The following EFCAB6 variants were observed in gnomAD, a reference collection of about 807,000 sequenced individuals.
EFCAB6 encodes the protein EF-hand calcium-binding domain-containing protein 6.
In EFCAB6, 156 loss-of-function variants were observed where a neutral mutation model predicts 169.8. That is an observed-to-expected ratio of 0.92 (90% confidence interval 0.81 to 1.05). EFCAB6 has a LOEUF of 1.05. EFCAB6 is among the 50% of genes least tolerant of loss of function. The pLI is 0.00. For synonymous variants in EFCAB6, 698 were observed against 676.4 expected (o/e 1.03, Z -0.50); for missense variants, 1,800 against 1,829.1 (o/e 0.98, Z 0.29).
intron 10 of EFCAB6, among the ~76,000 whole-genome samples, chr22:43,689,052 A>C (rs2058305411): frequency 1.3e-5 from 2 of 152,164 alleles, no homozygotes; most frequent in Non-Finnish European, 2.9e-5. Flanking sequence ...GAGAGAGTGA[A>C]GGATGCCTAC....
At chr22:43,599,950 G>A (rs2052372936) in intron 23 of EFCAB6, 119 bp downstream of exon 23, 5 of 1,143,418 alleles carry the variant, frequency 4.4e-6, no homozygotes, top group Admixed American at 2.3e-5. Context: ...GAACAAGCAC[G>A]ATCATTTCCC....
At chr22:43,671,007 A>G (rs928801459) in intron 15 of EFCAB6, among the ~76,000 whole-genome samples, 1 of 152,230 alleles carries the variant, frequency 6.6e-6, no homozygotes, top group Non-Finnish European at 1.5e-5. Context: ...GGATGAAGAA[A>G]TAGAGGCTCA....
intron 21 of EFCAB6, 38 bp downstream of exon 21, chr22:43,615,788 G>T: frequency 6.4e-7 from 1 of 1,556,870 alleles, no homozygotes; most frequent in South Asian, 1.1e-5. Context: ...CATTGAAATA[G>T]ATTTTCTTTC....
chr22:43,689,558 C>A (rs1244227491), intron 10 of EFCAB6, among the ~76,000 whole-genome samples: 2 of 152,174 alleles, frequency 1.3e-5, no homozygotes, highest in Non-Finnish European at 2.9e-5. Context: ...CAACAGCGCT[C>A]ATGAAAGCAA....
At chr22:43,559,930 GA>G (rs900741818) in intron 26 of EFCAB6, among the ~76,000 whole-genome samples, 13 of 152,260 alleles carry the variant, frequency 8.5e-5, no homozygotes, top group African/African-American at 2.9e-4. Context: ...TTAAAACCTA[GA>G]TGGCAGGTTG....
intron 26 of EFCAB6, among the ~76,000 whole-genome samples, chr22:43,558,688 T>A (rs760198567): frequency 2.7e-4 from 41 of 152,192 alleles, no homozygotes; most frequent in Non-Finnish European, 5.4e-4. Context: ...GCAAAAAGAT[T>A]ACAAGAAGAT....
chr22:43,711,342 T>C (rs2059152226), intron 10 of EFCAB6, 133 bp downstream of exon 10: 1 of 951,906 alleles, frequency 1.1e-6, no homozygotes, highest in Non-Finnish European at 1.4e-6. Flanking sequence ...ATTATTCCCT[T>C]TACTTCTGTA....
At chr22:43,674,874 G>A (rs2057654838) in intron 13 of EFCAB6, among the ~76,000 whole-genome samples, 1 of 152,056 alleles carries the variant, frequency 6.6e-6, no homozygotes, top group East Asian at 1.9e-4. Context: ...AGGTGCACAA[G>A]CTCCTACCCT....
chr22:43,630,263 A>T (rs764991700), intron 19 of EFCAB6, among the ~76,000 whole-genome samples: 3 of 152,336 alleles, frequency 2.0e-5, no homozygotes, highest in Non-Finnish European at 4.4e-5. Context: ...ACCCGCATCC[A>T]GTCTGTCTCA....
chr22:43,748,483 C>T (rs1238647637), intron 6 of EFCAB6, among the ~76,000 whole-genome samples: 1 of 152,200 alleles, frequency 6.6e-6, no homozygotes, highest in Admixed American at 6.5e-5. Context: ...CTTCCCCTAT[C>T]CCATCCTCAA....
chr22:43,793,974 G>A (rs1013829263), intron 2 of EFCAB6, among the ~76,000 whole-genome samples: 10 of 151,956 alleles, frequency 6.6e-5, no homozygotes, highest in South Asian at 4.2e-4. Flanking sequence ...GCTTTAAAAC[G>A]GTGGTTCTCA....
chr22:43,697,736 C>T (rs1295933842), intron 10 of EFCAB6, among the ~76,000 whole-genome samples: 3 of 152,242 alleles, frequency 2.0e-5, no homozygotes, highest in African/African-American at 4.8e-5. Flanking sequence ...CTCTGGATTC[C>T]GACATGGGGA....
At chr22:43,749,542 C>T (rs1041162214) in intron 6 of EFCAB6, among the ~76,000 whole-genome samples, 3 of 152,050 alleles carry the variant, frequency 2.0e-5, no homozygotes, top group Admixed American at 6.5e-5. Context: ...GAGCGTGCAA[C>T]GTAGATCCTC....
intron 21 of EFCAB6, among the ~76,000 whole-genome samples, chr22:43,609,464 G>A (rs2053155371): frequency 6.6e-6 from 1 of 152,168 alleles, no homozygotes; most frequent in African/African-American, 2.4e-5. Context: ...AATTTAGCAA[G>A]CAGTCTGGAT....
chr22:43,777,149 C>G (rs1323983496), intron 3 of EFCAB6, among the ~76,000 whole-genome samples: 1 of 152,126 alleles, frequency 6.6e-6, no homozygotes, highest in Non-Finnish European at 1.5e-5. Flanking sequence ...AGGATAATCC[C>G]TTGGTGCTGG....
chr22:43,554,823 G>A (rs777855787), intron 27 of EFCAB6, 46 bp downstream of exon 27: 17 of 1,527,610 alleles, frequency 1.1e-5, no homozygotes, highest in African/African-American at 8.2e-5. Context: ...CCAGGCTGAC[G>A]CTCAGCCAAC....
At chr22:43,564,396 C>T (rs767222221) in intron 26 of EFCAB6, among the ~76,000 whole-genome samples, 1 of 149,746 alleles carries the variant, frequency 6.7e-6, no homozygotes, top group Non-Finnish European at 1.5e-5. Flanking sequence ...TGCAGTGAGC[C>T]AAGACTGTGC....
chr22:43,651,195 A>T (rs1186252117), intron 17 of EFCAB6, among the ~76,000 whole-genome samples: 1 of 152,168 alleles, frequency 6.6e-6, no homozygotes, highest in Admixed American at 6.5e-5. Flanking sequence ...CTAGGAGGAA[A>T]AAGCAGTTTC....
chr22:43,663,205 A>G (rs1456045520), intron 17 of EFCAB6, among the ~76,000 whole-genome samples: 1 of 152,210 alleles, frequency 6.6e-6, no homozygotes, highest in Non-Finnish European at 1.5e-5. Context: ...TGTTATTGCC[A>G]TTACAAAATT....
Sources: gnomAD v4.1 joint callset for allele counts (sites outside exome capture counted in the v4.1 genomes callset) on GRCh38, gnomAD v4.1.1 for gene constraint, MANE v1.5 for transcripts, NCBI Gene and HGNC (gene_info 2026-07-23, HGNC 2026-07-21) for gene names.